The following C10orf143 variants were observed in gnomAD, a reference collection of about 807,000 sequenced individuals.
C10orf143 encodes the protein uncharacterized protein C10orf143.
At chr10:130,103,530 G>A (rs1466590517) in intron 1 of C10orf143, among the ~76,000 whole-genome samples, 1 of 152,070 alleles carries the variant, frequency 6.6e-6, no homozygotes, top group East Asian at 1.9e-4. Flanking sequence ...CACGAGGCCA[G>A]GTGCGGTGGC....
intron 3 of C10orf143, among the ~76,000 whole-genome samples, chr10:130,055,199 T>C (rs1860782023): frequency 1.3e-5 from 2 of 152,126 alleles, no homozygotes. Context: ...GACATTGGAA[T>C]TGATTTCATG....
At chr10:130,062,694 G>T (rs1244386052), downstream of C10orf143, among the ~76,000 whole-genome samples, 1 of 152,086 alleles carries the variant, frequency 6.6e-6, no homozygotes. Context: ...GCCTATTGTG[G>T]GACCTCACCT....
intron 3 of C10orf143, among the ~76,000 whole-genome samples, chr10:130,054,176 CG>C (rs1310684838): frequency 1.3e-5 from 2 of 152,156 alleles, no homozygotes; most frequent in African/African-American, 4.8e-5. Context: ...TGCAACTGCC[CG>C]TTTTCCCTCC....
At chr10:130,091,194 C>T (rs940652532) in intron 1 of C10orf143, among the ~76,000 whole-genome samples, 6 of 152,158 alleles carry the variant, frequency 3.9e-5, no homozygotes, top group African/African-American at 1.4e-4. Context: ...TGGCAGGTGC[C>T]CCTCTGGGAC....
At chr10:130,099,821 TA>T (rs140603188) in intron 1 of C10orf143, among the ~76,000 whole-genome samples, 4 of 146,954 alleles carry the variant, frequency 2.7e-5, no homozygotes, top group Admixed American at 6.9e-5. Flanking sequence ...ACGCTCAACC[TA>T]AATTTTTTTT....
In C10orf143 at chr10:130,073,222, G is replaced by A. The variant is rs139575465; in HGVS notation, c.297+6344C>T. Among the ~76,000 whole-genome samples, 275 of 152,274 alleles carry A rather than the reference G, an allele frequency of 1.8e-3. 1 individual carries two copies. The highest frequency in any genetic ancestry group is 5.6e-3 in the African/African-American group (234 of 41,550). On this transcript the variant is annotated intron_variant, in intron 3 of 3. Coordinates refer to ENST00000637128, the MANE Select transcript of C10orf143 (RefSeq NM_001355042.2). ...GGAGGCATGCCTACAGGACAGTTCTGCACCTGCTGCCACCCAAGGCCTTCA... is the reference window on the plus strand; with the variant it reads ...GGAGGCATGCCTACAGGACAGTTCTACACCTGCTGCCACCCAAGGCCTTCA...
intron 1 of C10orf143, among the ~76,000 whole-genome samples, chr10:130,084,620 T>A (rs1304591670): frequency 6.7e-6 from 1 of 150,066 alleles, no homozygotes; most frequent in East Asian, 2.0e-4. Flanking sequence ...TATAAAGATA[T>A]GTATGTGTGA....
intron 3 of C10orf143, among the ~76,000 whole-genome samples, chr10:130,050,158 C>T (rs1204964323): frequency 6.6e-6 from 1 of 152,262 alleles, no homozygotes; most frequent in Non-Finnish European, 1.5e-5. Flanking sequence ...TCCTGGCAGG[C>T]TGCAGGCGCA....
At chr10:130,035,183 G>A (rs1860531127) in intron 4 of C10orf143, among the ~76,000 whole-genome samples, 1 of 152,328 alleles carries the variant, frequency 6.6e-6, no homozygotes, top group South Asian at 2.1e-4. Context: ...GGAAGTCCAA[G>A]ATCAAGGTAT....
At chr10:130,103,379 A>G (rs1324572744) in intron 1 of C10orf143, among the ~76,000 whole-genome samples, 1 of 152,186 alleles carries the variant, frequency 6.6e-6, no homozygotes. Context: ...AGTCCCAGCT[A>G]CTTGGGATGC....
downstream of C10orf143, among the ~76,000 whole-genome samples, chr10:130,062,074 G>GT (rs1860863512): frequency 6.6e-6 from 1 of 152,194 alleles, no homozygotes; most frequent in Non-Finnish European, 1.5e-5. Context: ...TGGGACTGAG[G>GT]TGTGGACCAC....
In C10orf143 at chr10:130,046,880, G is replaced by T. The variant is rs139947166; in HGVS notation, c.298-10910C>A. On this transcript the variant is annotated intron_variant and NMD_transcript_variant, in intron 3 of 5. Transcript: ENST00000643056. ...GGGGGAGCTCCCTGACCTTTCTGGG[G>T]GTGACAGAGTGGGGAAGTGGGCAGT... Among the ~76,000 whole-genome samples the T allele has an allele frequency of 2.8e-3, 432 of 152,376 alleles. 1 individual carries two copies. The highest frequency in any genetic ancestry group is 1.0e-2 in the African/African-American group (414 of 41,580).
At chr10:130,058,250 G>A (rs1205422673) in intron 3 of C10orf143, among the ~76,000 whole-genome samples, 1 of 152,168 alleles carries the variant, frequency 6.6e-6, no homozygotes, top group African/African-American at 2.4e-5. Context: ...AGTTCTAGGA[G>A]TGAGCGTCTG....
intron 3 of C10orf143, among the ~76,000 whole-genome samples, chr10:130,039,739 G>C (rs1391628723): frequency 6.6e-6 from 1 of 152,178 alleles, no homozygotes; most frequent in Non-Finnish European, 1.5e-5. Context: ...TGCAGGTGGG[G>C]AGGCTGACCT....
At chr10:130,055,108 G>T (rs1275896776) in intron 3 of C10orf143, among the ~76,000 whole-genome samples, 1 of 152,008 alleles carries the variant, frequency 6.6e-6, no homozygotes, top group East Asian at 1.9e-4. Flanking sequence ...AAAACTCCTA[G>T]ATTTCCCCAA....
chr10:130,038,673 C>G (rs903052047), intron 3 of C10orf143, among the ~76,000 whole-genome samples: 2 of 152,302 alleles, frequency 1.3e-5, no homozygotes, highest in African/African-American at 2.4e-5. Flanking sequence ...TCCCCACCCC[C>G]CAGGCTGAGC....
chr10:130,039,524 C>T (rs1379008280), intron 3 of C10orf143, among the ~76,000 whole-genome samples: 1 of 152,202 alleles, frequency 6.6e-6, no homozygotes, highest in Non-Finnish European at 1.5e-5. Flanking sequence ...GAGGTGGATG[C>T]TGCCTGCCCA....
intron 1 of C10orf143, chr10:130,107,755 G>C (rs780384892): frequency 1.6e-6 from 2 of 1,237,138 alleles, no homozygotes; most frequent in Non-Finnish European, 2.4e-6. Flanking sequence ...AGATTACCAA[G>C]GAAAGAGGAG....
intron 3 of C10orf143, chr10:130,067,401 G>A (rs1183528731): frequency 6.6e-6 from 1 of 152,190 alleles, no homozygotes; most frequent in African/African-American, 2.4e-5. Flanking sequence ...GTGGACTGGG[G>A]GAGGAGAGAA....
Sources: gnomAD v4.1 joint callset for allele counts (sites outside exome capture counted in the v4.1 genomes callset) on GRCh38, gnomAD v4.1.1 for gene constraint, MANE v1.5 for transcripts, NCBI Gene and HGNC (gene_info 2026-07-23, HGNC 2026-07-21) for gene names.